Variants in RIMS1 observed in about 807,000 individuals in gnomAD.
The protein encoded by RIMS1 is regulating synaptic membrane exocytosis 1.
A neutral mutation model predicts 214.1 loss-of-function variants in RIMS1; 83 were observed. That is an observed-to-expected ratio of 0.39 (90% CI 0.32 to 0.47). The LOEUF is 0.47. Ranked by LOEUF, RIMS1 falls within the 20% of genes least tolerant of loss-of-function variation. The pLI, the probability that RIMS1 is intolerant of heterozygous loss-of-function variation, is 0.99. For missense variants in RIMS1, 2,050 were observed against 2,161.8 expected (o/e 0.95, Z 1.03); for synonymous variants, 793 against 786.8 (o/e 1.01, Z -0.13).
intron 2 of RIMS1, among the ~76,000 whole-genome samples, chr6:72,007,631 G>A (rs1424308630): frequency 6.6e-6 from 1 of 152,184 alleles, no homozygotes; most frequent in Non-Finnish European, 1.5e-5. Flanking sequence ...GTCCTTAAAG[G>A]ACCTGATGGA....
intron 4 of RIMS1, among the ~76,000 whole-genome samples, chr6:72,142,358 T>C (rs946820027): frequency 1.3e-5 from 2 of 152,034 alleles, no homozygotes; most frequent in East Asian, 1.9e-4. Context: ...AAATATGTGG[T>C]ATTTTGTTAT....
chr6:72,055,164 G>T (rs927165392), intron 2 of RIMS1, among the ~76,000 whole-genome samples: 8 of 152,084 alleles, frequency 5.3e-5, no homozygotes, highest in Non-Finnish European at 8.8e-5. Flanking sequence ...GAGAATTGGG[G>T]AGTTCACAGA....
intron 6 of RIMS1, among the ~76,000 whole-genome samples, chr6:72,210,591 C>A (rs2053637968): frequency 6.6e-6 from 1 of 152,192 alleles, no homozygotes; most frequent in South Asian, 2.1e-4. Flanking sequence ...TTGCCTCAAT[C>A]ACAAACTGCC....
intron 2 of RIMS1, among the ~76,000 whole-genome samples, chr6:72,079,168 G>A (rs547448063): frequency 9.9e-5 from 15 of 152,270 alleles, no homozygotes; most frequent in African/African-American, 3.6e-4. Flanking sequence ...TAGCACTGAA[G>A]CAAGAAGAAA....
intron 1 of RIMS1, among the ~76,000 whole-genome samples, chr6:71,903,086 C>A (rs1022044653): frequency 1.6e-4 from 25 of 152,098 alleles, no homozygotes; most frequent in African/African-American, 6.0e-4. Context: ...GAGTCTATAT[C>A]TTTGAGGAAT....
chr6:72,207,791 A>C (rs767178471), intron 6 of RIMS1, among the ~76,000 whole-genome samples: 13 of 152,132 alleles, frequency 8.5e-5, no homozygotes, highest in Non-Finnish European at 1.8e-4. Flanking sequence ...ATTCTCCCCA[A>C]ACCCCCCAAA....
chr6:72,163,984 C>T (rs948267186), intron 4 of RIMS1, among the ~76,000 whole-genome samples: 1 of 152,188 alleles, frequency 6.6e-6, no homozygotes, highest in African/African-American at 2.4e-5. Context: ...GCCCTGCCCC[C>T]AGAGGTGGAG....
chr6:72,359,169 G>A (rs539690353), intron 29 of RIMS1, among the ~76,000 whole-genome samples: 1 of 152,252 alleles, frequency 6.6e-6, no homozygotes, highest in East Asian at 1.9e-4. Context: ...TATTAACTAG[G>A]GACTTACAAA....
intron 1 of RIMS1, among the ~76,000 whole-genome samples, chr6:71,892,095 C>T (rs1770077970): frequency 6.6e-6 from 1 of 152,152 alleles, no homozygotes; most frequent in Non-Finnish European, 1.5e-5. Context: ...TTGCCTGAGG[C>T]ACGTGGCAGC....
chr6:71,949,841 T>C (rs1386992253), intron 1 of RIMS1, among the ~76,000 whole-genome samples: 1 of 152,260 alleles, frequency 6.6e-6, no homozygotes, highest in Middle Eastern at 3.4e-3. Flanking sequence ...TGCCATATGA[T>C]CCAACAGTTC....
At chr6:72,254,334 ATTTCT>A (rs373648321) in intron 16 of RIMS1, among the ~76,000 whole-genome samples, 32 of 152,240 alleles carry the variant, frequency 2.1e-4, no homozygotes, top group Non-Finnish European at 3.7e-4. Flanking sequence ...CTCTGTTTTT[ATTTCT>A]TAGAAGGCCA....
chr6:72,343,492 CTT>C (rs764125827), intron 29 of RIMS1, among the ~76,000 whole-genome samples: 2,253 of 57,214 alleles, frequency 0.039, 2 homozygotes, highest in South Asian at 0.12. Flanking sequence ...TCTTCTTCTT[CTT>C]TTTTTTTTTT....
chr6:72,292,457 A>C (rs1563669992), intron 26 of RIMS1, among the ~76,000 whole-genome samples: 2 of 152,190 alleles, frequency 1.3e-5, no homozygotes, highest in African/African-American at 4.8e-5. Flanking sequence ...TTTTAATTTA[A>C]CTTGATTAGC....
chr6:71,980,137 T>C (rs927415979), intron 2 of RIMS1, among the ~76,000 whole-genome samples: 4 of 152,018 alleles, frequency 2.6e-5, no homozygotes, highest in African/African-American at 9.7e-5. Context: ...AAGAAAATAG[T>C]TGGTTGTTGT....
chr6:72,005,188 C>T lies in RIMS1; in HGVS notation c.245+36125C>T, dbSNP rs541474286. Reference sequence around the variant, plus strand: ...CAAAGATCAGATAGTTTTAGATATGCGGCGTTATTTCTGAGGGCTCTGTTC... The same window carrying T: ...CAAAGATCAGATAGTTTTAGATATGTGGCGTTATTTCTGAGGGCTCTGTTC... On this transcript the variant is annotated intron_variant, in intron 2 of 33. Transcript: ENST00000521978. 4.3e-4 allele frequency among the ~76,000 whole-genome samples: 65 copies of T among 152,158 alleles called. No individual in the cohort carries two copies. In the South Asian group the frequency reaches 6.2e-3, roughly 15 times the overall value.
At chr6:72,284,991 A>C (rs143428593) in intron 24 of RIMS1, among the ~76,000 whole-genome samples, 10 of 152,322 alleles carry the variant, frequency 6.6e-5, no homozygotes, top group African/African-American at 2.4e-4. Context: ...AACGTGAGAA[A>C]ACACTGAGAT....
At chr6:72,389,190 A>G (rs1424267970) in intron 29 of RIMS1, among the ~76,000 whole-genome samples, 1 of 152,210 alleles carries the variant, frequency 6.6e-6, no homozygotes, top group Non-Finnish European at 1.5e-5. Context: ...GAGAATGTGG[A>G]TCACAGTAGC....
intron 1 of RIMS1, among the ~76,000 whole-genome samples, chr6:71,946,108 C>T (rs1787738368): frequency 6.6e-6 from 1 of 152,006 alleles, no homozygotes; most frequent in Non-Finnish European, 1.5e-5. Flanking sequence ...TAAATTTAAC[C>T]AAGAAGGTGA....
At chr6:72,137,948 G>A (rs978618145) in intron 4 of RIMS1, among the ~76,000 whole-genome samples, 11 of 152,012 alleles carry the variant, frequency 7.2e-5, no homozygotes, top group Non-Finnish European at 1.5e-4. Flanking sequence ...ATGTTAGCCA[G>A]GATGGTCTCG....
Sources: allele counts gnomAD v4.1 joint callset (sites outside exome capture counted in the v4.1 genomes callset), GRCh38; gene constraint gnomAD v4.1.1; transcripts MANE v1.5; gene names NCBI Gene and HGNC (gene_info 2026-07-23, HGNC 2026-07-21).